The following MLIP variants were observed in gnomAD, a reference collection of about 807,000 sequenced individuals.
MLIP encodes muscular LMNA interacting protein.
MLIP carries 79 observed loss-of-function variants against 84.8 expected under a neutral mutation model. The observed-to-expected ratio is 0.93, with a 90% CI of 0.78 to 1.12. MLIP has a LOEUF of 1.12. Ranked by LOEUF, MLIP falls within the 50% of genes most tolerant of loss-of-function variation. The pLI is 0.00. For missense variants in MLIP, 1,257 were observed against 1,160.6 expected, an observed-to-expected ratio of 1.08 and a Z score of -1.21; for synonymous variants, 504 against 463.0, an observed-to-expected ratio of 1.09 and a Z score of -1.14.
chr6:54,227,572 C>G (rs1316332836), intron 11 of MLIP, among the ~76,000 whole-genome samples: 1 of 152,120 alleles, frequency 6.6e-6, no homozygotes, highest in East Asian at 1.9e-4. Context: ...AAAAAGAAAT[C>G]CTGTGTGCTT....
intron 4 of MLIP, among the ~76,000 whole-genome samples, chr6:54,147,071 T>C (rs935235490): frequency 2.6e-5 from 4 of 152,188 alleles, no homozygotes; most frequent in African/African-American, 9.6e-5. Context: ...TGGCTCATAG[T>C]GATTGTTAGA....
At chr6:54,204,615 A>G (rs868638281) in intron 11 of MLIP, among the ~76,000 whole-genome samples, 18 of 152,330 alleles carry the variant, frequency 1.2e-4, no homozygotes, top group Non-Finnish European at 1.9e-4. Context: ...TAGAGTATTG[A>G]GTTAATCTAC....
intron 1 of MLIP, among the ~76,000 whole-genome samples, chr6:54,068,585 T>A (rs1201928692): frequency 2.0e-5 from 2 of 100,386 alleles, no homozygotes; most frequent in African/African-American, 5.1e-5. Flanking sequence ...CCAGAAAAAA[T>A]TTCTTGTTAG....
intron 9 of MLIP, among the ~76,000 whole-genome samples, chr6:54,174,147 A>G (rs1361681593): frequency 1.3e-5 from 2 of 152,044 alleles, no homozygotes; most frequent in South Asian, 2.1e-4. Context: ...ATTGAAGGAC[A>G]CTTAGGTTGC....
intron 12 of MLIP, among the ~76,000 whole-genome samples, chr6:54,242,453 A>G (rs556071229): frequency 1.3e-5 from 2 of 152,334 alleles, no homozygotes; most frequent in Non-Finnish European, 2.9e-5. Context: ...AATAAAAACT[A>G]AAATATTAAT....
At chr6:54,047,480 G>T (rs1337377281) in intron 1 of MLIP, 1 of 152,150 alleles carries the variant, frequency 6.6e-6, no homozygotes, top group African/African-American at 2.4e-5. Flanking sequence ...CTAATAAAGA[G>T]AATAAGTACC....
chr6:54,083,336 A>T lies in MLIP; in HGVS notation c.64-38111A>T, dbSNP rs1767282110. 4 of 749,090 alleles carry T rather than the reference A, an allele frequency of 5.3e-6. No individual in the cohort carries two copies. In the African/African-American group the frequency reaches 7.1e-5, roughly 13 times the overall value. The allele number at this position is 749,090 out of a possible 1,614,324, so 46.4% of individuals were successfully genotyped here. ...CTCTTAGAACACTGCTAAGGTCAAG[A>T]TAGGTTAATATATTCAGATGGGATT... On this transcript the variant is annotated intron_variant, in intron 1 of 12. Transcript: ENST00000274897.
At chr6:54,188,206 G>T (rs189019347) in intron 9 of MLIP, among the ~76,000 whole-genome samples, 4 of 152,282 alleles carry the variant, frequency 2.6e-5, no homozygotes, top group Non-Finnish European at 2.9e-5. Flanking sequence ...GTGAGTGAAT[G>T]TGAAGAACTA....
At chr6:54,052,940 A>G (rs1180004697) in intron 1 of MLIP, among the ~76,000 whole-genome samples, 1 of 152,074 alleles carries the variant, frequency 6.6e-6, no homozygotes, top group African/African-American at 2.4e-5. Flanking sequence ...TAAGAGGGAG[A>G]TATGTGGATT....
chr6:54,019,136 C>CA (rs1359912226), intron 1 of MLIP: 6 of 1,595,734 alleles, frequency 3.8e-6, no homozygotes, highest in Non-Finnish European at 3.4e-6. Context: ...ATGAAATTGA[C>CA]AGGGTAGTAG....
chr6:54,095,443 C>T (rs922694321), intron 1 of MLIP, among the ~76,000 whole-genome samples: 2 of 152,042 alleles, frequency 1.3e-5, no homozygotes, highest in Admixed American at 6.6e-5. Context: ...ATTTGTCTTT[C>T]GTGCTTTTTT....
chr6:54,046,362 A>C (rs1561889454), intron 1 of MLIP: 1 of 152,026 alleles, frequency 6.6e-6, no homozygotes, highest in African/African-American at 2.4e-5. Context: ...AATATATAGA[A>C]AATAAAGTTA....
At chr6:54,142,928 A>C (rs78094484) in intron 4 of MLIP, among the ~76,000 whole-genome samples, 2 of 152,044 alleles carry the variant, frequency 1.3e-5, no homozygotes, top group Non-Finnish European at 2.9e-5. Context: ...CAAAAAAAAA[A>C]CGCTGAAACT....
At chr6:54,129,148 A>G (rs1771172717) in intron 3 of MLIP, among the ~76,000 whole-genome samples, 1 of 152,154 alleles carries the variant, frequency 6.6e-6, no homozygotes, top group Non-Finnish European at 1.5e-5. Flanking sequence ...GATTTCATGG[A>G]TTCATAGAAA....
At chr6:54,177,544 A>G (rs1776415440) in intron 9 of MLIP, among the ~76,000 whole-genome samples, 1 of 152,168 alleles carries the variant, frequency 6.6e-6, no homozygotes, top group African/African-American at 2.4e-5. Flanking sequence ...TCAAGAAACA[A>G]CAGATGCTGG....
At chr6:54,023,950 A>G (rs1250357848) in intron 1 of MLIP, among the ~76,000 whole-genome samples, 1 of 152,232 alleles carries the variant, frequency 6.6e-6, no homozygotes, top group East Asian at 1.9e-4. Flanking sequence ...ATGTAAAGCT[A>G]CAAAGAATTT....
At chr6:54,123,756 A>T (rs1770668678) in intron 2 of MLIP, among the ~76,000 whole-genome samples, 1 of 152,222 alleles carries the variant, frequency 6.6e-6, no homozygotes, top group Non-Finnish European at 1.5e-5. Flanking sequence ...TCTTTTAAAC[A>T]CAATCTCAGT....
At chr6:54,104,822 G>T (rs1399921096) in intron 1 of MLIP, among the ~76,000 whole-genome samples, 1 of 152,084 alleles carries the variant, frequency 6.6e-6, no homozygotes. Flanking sequence ...ACTGTGAGTG[G>T]GATGACAGTG....
intron 1 of MLIP, among the ~76,000 whole-genome samples, chr6:54,042,935 C>T (rs1263141861): frequency 6.6e-6 from 1 of 152,118 alleles, no homozygotes; most frequent in African/African-American, 2.4e-5. Flanking sequence ...GAAGGAACCA[C>T]GAGTAGTAAA....
Sources: gnomAD v4.1 joint callset for allele counts (sites outside exome capture counted in the v4.1 genomes callset) on GRCh38, gnomAD v4.1.1 for gene constraint, MANE v1.5 for transcripts, NCBI Gene and HGNC (gene_info 2026-07-23, HGNC 2026-07-21) for gene names.